ANKS1B: variants seen among roughly 807,000 people sequenced by gnomAD.
ANKS1B encodes the protein ankyrin repeat and sterile alpha motif domain-containing protein 1B.
ANKS1B carries 36 observed loss-of-function variants against 148.3 expected under a neutral mutation model. The observed-to-expected ratio is 0.24, with a 90% CI of 0.19 to 0.32. The LOEUF is 0.32. Ranked by LOEUF, ANKS1B falls within the 10% of genes least tolerant of loss-of-function variation. The probability of loss-of-function intolerance (pLI) is 1.00; values close to 1 mark genes in which losing one functional copy is unlikely to be tolerated. For missense variants in ANKS1B, 1,157 were observed against 1,542.6 expected, an observed-to-expected ratio of 0.75 and a Z score of 4.19; for synonymous variants, 542 against 560.8, an observed-to-expected ratio of 0.97 and a Z score of 0.47.
intron 12 of ANKS1B, among the ~76,000 whole-genome samples, chr12:99,280,885 T>TCACA (rs1179465603): frequency 6.7e-6 from 1 of 149,938 alleles, no homozygotes; most frequent in Non-Finnish European, 1.5e-5. Flanking sequence ...TCTCTCTCTC[T>TCACA]CACACACACA....
At chr12:99,666,606 G>A (rs1008077548) in intron 8 of ANKS1B, among the ~76,000 whole-genome samples, 2 of 152,050 alleles carry the variant, frequency 1.3e-5, no homozygotes, top group Non-Finnish European at 2.9e-5. Flanking sequence ...ATAGTCTTCA[G>A]TGTACAGGTC....
At chr12:99,210,747 T>C (rs2083241894) in intron 14 of ANKS1B, among the ~76,000 whole-genome samples, 1 of 152,218 alleles carries the variant, frequency 6.6e-6, no homozygotes, top group Non-Finnish European at 1.5e-5. Context: ...CATTCTTTGT[T>C]CTATTCAATT....
chr12:99,837,043 A>C (rs1353263375), intron 1 of ANKS1B, among the ~76,000 whole-genome samples: 1 of 152,204 alleles, frequency 6.6e-6, no homozygotes, highest in Non-Finnish European at 1.5e-5. Flanking sequence ...AGCTGGCTTT[A>C]TCCCGGATTA....
chr12:99,153,627 A>G (rs1221961645), intron 15 of ANKS1B, among the ~76,000 whole-genome samples: 1 of 152,220 alleles, frequency 6.6e-6, no homozygotes, highest in Non-Finnish European at 1.5e-5. Flanking sequence ...TCAGAAGTAC[A>G]TGACTATACT....
At chr12:99,044,003 G>C (rs1160123235) in intron 17 of ANKS1B, among the ~76,000 whole-genome samples, 1 of 152,214 alleles carries the variant, frequency 6.6e-6, no homozygotes, top group East Asian at 1.9e-4. Flanking sequence ...TATTATCTGA[G>C]ATCTTCTCTT....
intron 15 of ANKS1B, among the ~76,000 whole-genome samples, chr12:99,116,607 T>C (rs2153712834): frequency 6.6e-6 from 1 of 152,318 alleles, no homozygotes; most frequent in Admixed American, 6.5e-5. Flanking sequence ...CTTTGTTGCT[T>C]CTTCACAGTA....
At chr12:98,759,693 T>C (rs564063956) in intron 25 of ANKS1B, among the ~76,000 whole-genome samples, 2 of 152,316 alleles carry the variant, frequency 1.3e-5, no homozygotes, top group Non-Finnish European at 2.9e-5. Context: ...AATTTTTCAT[T>C]ATTAGAGGAC....
intron 17 of ANKS1B, among the ~76,000 whole-genome samples, chr12:99,014,137 A>G (rs1370673832): frequency 6.6e-6 from 1 of 152,254 alleles, no homozygotes; most frequent in Non-Finnish European, 1.5e-5. Flanking sequence ...ACAGGGCTAC[A>G]GTAACCAAAA....
intron 8 of ANKS1B, among the ~76,000 whole-genome samples, chr12:99,716,114 T>TC (rs766497665): frequency 6.6e-6 from 1 of 151,996 alleles, no homozygotes; most frequent in Non-Finnish European, 1.5e-5. Flanking sequence ...CTCTACCCCT[T>TC]CTCTGCTTTT....
intron 6 of ANKS1B, among the ~76,000 whole-genome samples, chr12:99,777,581 GTTTGT>G (rs2063779243): frequency 6.6e-6 from 1 of 151,930 alleles, no homozygotes; most frequent in Non-Finnish European, 1.5e-5. Flanking sequence ...TTGTTTGTTT[GTTTGT>G]TTTGTTTGGT....
chr12:99,532,390 C>A (rs564224929), intron 9 of ANKS1B, among the ~76,000 whole-genome samples: 2 of 152,218 alleles, frequency 1.3e-5, no homozygotes, highest in East Asian at 3.9e-4. Flanking sequence ...GAGACGGAGT[C>A]TCGCTCTGTC....
intron 25 of ANKS1B, among the ~76,000 whole-genome samples, chr12:98,755,943 T>C (rs1247983230): frequency 6.6e-6 from 1 of 152,118 alleles, no homozygotes; most frequent in Non-Finnish European, 1.5e-5. Context: ...GCTTGACCCA[T>C]AGGATATAGC....
intron 8 of ANKS1B, among the ~76,000 whole-genome samples, chr12:99,716,202 T>C (rs768736104): frequency 2.0e-5 from 3 of 151,076 alleles, no homozygotes; most frequent in Non-Finnish European, 4.4e-5. Flanking sequence ...CTTATTTCCA[T>C]GCCCTGACCT....
intron 14 of ANKS1B, among the ~76,000 whole-genome samples, chr12:99,167,863 G>T (rs2077340517): frequency 6.6e-6 from 1 of 152,154 alleles, no homozygotes; most frequent in Non-Finnish European, 1.5e-5. Context: ...ATATTACTCA[G>T]CAATAAAAAG....
At chr12:99,689,149 T>C (rs1242487712) in intron 8 of ANKS1B, among the ~76,000 whole-genome samples, 1 of 152,234 alleles carries the variant, frequency 6.6e-6, no homozygotes, top group Non-Finnish European at 1.5e-5. Flanking sequence ...TTTTGGTTTC[T>C]AGTTTTAAAC....
At chr12:99,682,685 C>T (rs1296860089) in intron 8 of ANKS1B, among the ~76,000 whole-genome samples, 2 of 152,074 alleles carry the variant, frequency 1.3e-5, no homozygotes, top group Non-Finnish European at 2.9e-5. Context: ...TCTAAGGTCA[C>T]ACTTCAAGGA....
At chr12:99,147,661 C>T (rs1180227307) in intron 15 of ANKS1B, among the ~76,000 whole-genome samples, 1 of 152,036 alleles carries the variant, frequency 6.6e-6, no homozygotes, top group African/African-American at 2.4e-5. Context: ...AGTAGCTGGA[C>T]AGCACTGGGA....
At chr12:99,970,235 C>T (rs2095541852) in intron 1 of ANKS1B, among the ~76,000 whole-genome samples, 1 of 151,982 alleles carries the variant, frequency 6.6e-6, no homozygotes, top group African/African-American at 2.4e-5. Flanking sequence ...GTTTAACAAA[C>T]AACCATAGGT....
chr12:99,470,738 T>C (rs893184502), intron 10 of ANKS1B, among the ~76,000 whole-genome samples: 25 of 152,266 alleles, frequency 1.6e-4, no homozygotes, highest in African/African-American at 5.5e-4. Flanking sequence ...ATGGAGCTAA[T>C]ACATTTTACT....
Sources: allele counts gnomAD v4.1 joint callset (sites outside exome capture counted in the v4.1 genomes callset), GRCh38; gene constraint gnomAD v4.1.1; transcripts MANE v1.5; gene names NCBI Gene and HGNC (gene_info 2026-07-23, HGNC 2026-07-21).